SAP30: variants seen among roughly 807,000 people sequenced by gnomAD.
The protein encoded by SAP30 is Sin3A associated protein 30, also known as histone deacetylase complex subunit SAP30.
SAP30 carries 13 observed loss-of-function variants against 19.6 expected under a neutral mutation model. The ratio of observed to expected loss-of-function variants is 0.66; its 90% CI spans 0.43 to 1.05. The LOEUF (loss-of-function observed/expected upper bound fraction) is 1.05. Among genes scored for constraint, SAP30 ranks in the 50% least tolerant of loss-of-function variants. The pLI is 0.00. For synonymous variants in SAP30, 108 were observed against 122.7 expected, an observed-to-expected ratio of 0.88 and a Z score of 0.79; for missense variants, 257 against 292.1, an observed-to-expected ratio of 0.88 and a Z score of 0.88.
intron 3 of SAP30, among the ~76,000 whole-genome samples, chr4:173,376,541 A>G (rs1739044235): frequency 6.6e-6 from 1 of 152,186 alleles, no homozygotes; most frequent in Non-Finnish European, 1.5e-5. Context: ...CGTCTGTTTT[A>G]TCTCATTTAA....
intron 3 of SAP30, among the ~76,000 whole-genome samples, chr4:173,376,730 T>C (rs541672136): frequency 6.6e-6 from 1 of 152,218 alleles, no homozygotes; most frequent in Admixed American, 6.5e-5. Context: ...GCAATCCTCC[T>C]GTCTAAGCCT....
At chr4:173,373,558 G>A in intron 2 of SAP30, 43 bp downstream of exon 2, 2 of 1,499,984 alleles carry the variant, frequency 1.3e-6, no homozygotes, top group South Asian at 1.4e-5. Context: ...CCTAAGTAGT[G>A]CATTCTGAAG....
intron 3 of SAP30, among the ~76,000 whole-genome samples, chr4:173,375,741 A>G (rs914655883): frequency 4.6e-5 from 7 of 152,230 alleles, no homozygotes; most frequent in Non-Finnish European, 1.0e-4. Flanking sequence ...TGTAGTACAT[A>G]TATTTTAAGA....
Position 173,377,318 on chromosome 4 carries a change from T to A in SAP30, c.654T>A (p.Gly218=). The change falls in exon 4 of 4, where the codon GGT becomes GGA. Residue 218 remains glycine, a synonymous_variant. Transcript: ENST00000296504. ...AATCAGATCTCAAGGTTGATAGTGGTGTTCACTAGGAGACGTGGAATTGAG... is the reference window on the plus strand; with the variant it reads ...AATCAGATCTCAAGGTTGATAGTGGAGTTCACTAGGAGACGTGGAATTGAG... ...KNKSDLKVDS[G]VH 2 of 1,602,814 alleles carry A rather than the reference T, an allele frequency of 1.2e-6. No homozygotes were observed. Among genetic ancestry groups the A allele is most frequent in the Non-Finnish European group, 1.7e-6 (2 of 1,176,320 alleles).
At chr4:173,376,389 T>G (rs1739039716) in intron 3 of SAP30, among the ~76,000 whole-genome samples, 1 of 152,142 alleles carries the variant, frequency 6.6e-6, no homozygotes, top group Admixed American at 6.6e-5. Context: ...TACCAAGGTG[T>G]GAATGAATGA....
chr4:173,371,351 G>T lies in SAP30; in HGVS notation c.169G>T (p.Gly57Trp). 1 of 1,481,730 alleles carries T rather than the reference G, an allele frequency of 6.7e-7. No homozygotes were observed. Among genetic ancestry groups the T allele is most frequent in the Non-Finnish European group, 8.9e-7 (1 of 1,125,512 alleles). 91.8% of individuals were successfully genotyped at this position (1,481,730 alleles called of 1,614,324 possible). ...GGCGGTCTCAGCGGCTGGGCCCCCG[G>T]GGGCGGCCGGGCCGGGCCCCGGGCA... ...AGAVSAAGPPGAAGPGPGQLC... is the reference protein window; with the variant it reads ...AGAVSAAGPPWAAGPGPGQLC... The change falls in exon 1 of 4, where the codon GGG becomes TGG. Residue 57 changes from glycine to tryptophan, a missense_variant. Coordinates refer to ENST00000296504, the MANE Select transcript of SAP30 (RefSeq NM_003864.4). This position sits in a 1 kb window ranked among gnomAD's most constrained non-coding sequence, Gnocchi z 6.4.
intron 3 of SAP30, among the ~76,000 whole-genome samples, chr4:173,375,511 A>G (rs1005900270): frequency 3.9e-5 from 6 of 152,198 alleles, no homozygotes; most frequent in Non-Finnish European, 8.8e-5. Flanking sequence ...AATGGAGTGA[A>G]GGCACCCCTG....
chr4:173,377,431 G>T lies in SAP30; in HGVS notation c.*104G>T. 8.6e-7 allele frequency: 1 copy of T among 1,163,390 alleles called. No homozygotes were observed. The highest frequency in any genetic ancestry group is 1.6e-5 in the African/African-American group (1 of 61,512). The allele number at this position is 1,163,390 out of a possible 1,614,324, so 72.1% of individuals were successfully genotyped here. On this transcript the variant is annotated 3_prime_UTR_variant, in exon 4 of 4. Coordinates refer to ENST00000296504, the MANE Select transcript of SAP30 (RefSeq NM_003864.4). ...ATTTTTTCTACAGAGGATTTTCTCT[G>T]ATTTTATTTTCTTTGTTTCTGACTC...
rs1255709420 is a variant in SAP30, at chr4:173,374,101, G to C, written c.540+64G>C. ...ACCGAGAGGTTATTAAGTGCTAATGGAAGTTTTAATGTAGTGTATGTAACA... is the reference window on the plus strand; with the variant it reads ...ACCGAGAGGTTATTAAGTGCTAATGCAAGTTTTAATGTAGTGTATGTAACA... On this transcript the variant is annotated intron_variant, in intron 3 of 3. Transcript: ENST00000296504. The C allele has an allele frequency of 4.6e-6, 4 of 870,908 alleles. No homozygotes were observed. The East Asian group carries it at 8.0e-5, about 17-fold the overall frequency. The allele number at this position is 870,908 out of a possible 1,614,324, so 53.9% of individuals were successfully genotyped here. A position where few individuals can be genotyped will look rare whatever the true frequency, so the allele number is the denominator to read the frequency against.
rs1008304122 is a variant in SAP30 at position 173,371,516 on chromosome 4, C to A, written c.315+19C>A. The A allele has an allele frequency of 5.7e-6, 9 of 1,576,756 alleles. No individual in the cohort carries two copies. Among genetic ancestry groups the A allele is most frequent in the Non-Finnish European group, 6.9e-6 (8 of 1,165,952 alleles). On this transcript the variant is annotated intron_variant, in intron 1 of 3. Coordinates refer to ENST00000296504, the MANE Select transcript of SAP30 (RefSeq NM_003864.4). The surrounding 1 kb of genome is among the most constrained non-coding windows in gnomAD (Gnocchi z 6.4). ...TAAGAGCGTAAGTAAACCGCGGGAC[C>A]GCCCTGCCCTCCCGCCCCTCGGTGG...
intron 3 of SAP30, 24 bp from the exon 4 acceptor site, chr4:173,377,181 C>T: frequency 4.6e-6 from 7 of 1,528,734 alleles, no homozygotes; most frequent in Non-Finnish European, 6.2e-6. Flanking sequence ...AATTTAATTT[C>T]CTTAATTTTT....
Position 173,371,523 on chromosome 4 carries a change from C to A in SAP30, c.315+26C>A. 6 of 1,567,796 alleles carry A rather than the reference C, an allele frequency of 3.8e-6. No homozygotes were observed. Among genetic ancestry groups the A allele is most frequent in the South Asian group, 1.1e-5 (1 of 90,386 alleles). On this transcript the variant is annotated intron_variant, in intron 1 of 3. Transcript: ENST00000296504. This position sits in a 1 kb window ranked among gnomAD's most constrained non-coding sequence, Gnocchi z 6.4. ...GTAAGTAAACCGCGGGACCGCCCTGCCCTCCCGCCCCTCGGTGGGGCCCCA... is the reference window on the plus strand; with the variant it reads ...GTAAGTAAACCGCGGGACCGCCCTGACCTCCCGCCCCTCGGTGGGGCCCCA...
chr4:173,375,040 T>TATA (rs1739011778), intron 3 of SAP30, among the ~76,000 whole-genome samples: 1 of 95,648 alleles, frequency 1.0e-5, no homozygotes, highest in African/African-American at 3.3e-5. Flanking sequence ...ATATATATAT[T>TATA]TTAATCATAT....
Position 173,377,201 on chromosome 4 carries a change from G to A in SAP30, c.541-4G>A, listed in dbSNP as rs1340637098. The A allele has an allele frequency of 3.2e-6, 5 of 1,561,278 alleles. No individual in the cohort carries two copies. The highest frequency in any genetic ancestry group is 4.3e-6 in the Non-Finnish European group (5 of 1,158,588). On this transcript the variant is annotated splice_polypyrimidine_tract_variant and splice_region_variant and intron_variant, in intron 3 of 3. Transcript: ENST00000296504. ...AATTTCCTTAATTTTTCTTTTCTTT[G>A]TAGATAGTTGGTTGCCACTTTAGGT...
intron 2 of SAP30, among the ~76,000 whole-genome samples, 173 bp downstream of exon 2, chr4:173,373,688 T>G (rs1278898343): frequency 6.6e-6 from 1 of 152,208 alleles, no homozygotes. Flanking sequence ...ATTGTTACAT[T>G]TTAGATTGAC....
At chr4:173,372,435 G>A (rs1738958314) in intron 1 of SAP30, among the ~76,000 whole-genome samples, 2 of 152,306 alleles carry the variant, frequency 1.3e-5, no homozygotes, top group Non-Finnish European at 1.5e-5. Flanking sequence ...ACAGTTTTCA[G>A]TGTTATCCAT....
intron 1 of SAP30, among the ~76,000 whole-genome samples, chr4:173,373,089 C>A (rs1738975809): frequency 6.6e-6 from 1 of 152,150 alleles, no homozygotes; most frequent in African/African-American, 2.4e-5. Context: ...CAGCCCCTCA[C>A]TGCAATTTGA....
Position 173,376,441 on chromosome 4 carries a change from C to T in SAP30, c.541-764C>T, listed in dbSNP as rs983241838. On this transcript the variant is annotated intron_variant, in intron 3 of 3. Transcript: ENST00000296504. ...ACAATTTATATGTTATTGTTGGTTT[C>T]TCTACTAGCAAAAGTTTTCAACTTC... 9.2e-5 allele frequency among the ~76,000 whole-genome samples: 14 copies of T among 152,198 alleles called. No individual in the cohort carries two copies. In the East Asian group the frequency reaches 2.7e-3, roughly 29 times the overall value.
chr4:173,371,292 G>T lies in SAP30; in HGVS notation c.110G>T (p.Gly37Val). The T allele has an allele frequency of 8.1e-7, 1 of 1,240,724 alleles. No homozygotes were observed. The highest frequency in any genetic ancestry group is 2.9e-5 in the South Asian group (1 of 34,116). The allele number at this position is 1,240,724 out of a possible 1,614,324, so 76.9% of individuals were successfully genotyped here. The change falls in exon 1 of 4, where the codon GGC becomes GTC. Residue 37 changes from glycine (G) to valine (V), a missense_variant. Gly to Val is a moderately radical substitution (Grantham distance 109). Transcript: ENST00000296504. The surrounding 1 kb of genome is among the most constrained non-coding windows in gnomAD (Gnocchi z 6.4). ...AAAASAGNGTGAGTGAEVPGA... is the reference protein window; with the variant it reads ...AAAASAGNGTVAGTGAEVPGA... ...GCCGCCTCGGCGGGGAACGGGACCG[G>T]CGCGGGCACCGGGGCTGAGGTGCCG...
Sources: gnomAD v4.1 joint callset for allele counts (sites outside exome capture counted in the v4.1 genomes callset) on GRCh38, gnomAD v4.1.1 for gene constraint, Gnocchi (gnomAD v3.1) non-coding constraint, MANE v1.5 for transcripts, NCBI Gene and HGNC (gene_info 2026-07-23, HGNC 2026-07-21) for gene names.